The following NECAB1 variants were observed in gnomAD, a reference collection of about 807,000 sequenced individuals.
NECAB1 encodes N-terminal EF-hand calcium-binding protein 1.
A neutral mutation model predicts 57.5 loss-of-function variants in NECAB1; 29 were observed. That is an observed-to-expected ratio of 0.50 (90% CI 0.38 to 0.69). The LOEUF is 0.69. Among genes scored for constraint, NECAB1 ranks in the 30% least tolerant of loss-of-function variants. The probability of loss-of-function intolerance (pLI) is 0.00; values close to 1 mark genes in which losing one functional copy is unlikely to be tolerated. For missense variants in NECAB1, 372 were observed against 413.8 expected (o/e 0.90, Z 0.88); for synonymous variants, 142 against 147.7 (o/e 0.96, Z 0.28).
Position 90,940,845 on chromosome 8 carries a change from G to A in NECAB1, c.807G>A (p.Gln269=), listed in dbSNP as rs758347333. Residue 269 remains glutamine, a synonymous_variant, in exon 10 of 13, where the codon CAG becomes CAA. Coordinates refer to ENST00000417640, the MANE Select transcript of NECAB1 (RefSeq NM_022351.5). The stretch of plus-strand genomic sequence containing the variant: ...TAGAAGAGGACCTGGAAGAATTCCA[G>A]CTCGCTCTGAAACACTACGTGGAGA... The part of the protein sequence containing the change: ...SVIEEDLEEF[Q]LALKHYVESA... 2 of 1,564,362 alleles carry A rather than the reference G, an allele frequency of 1.3e-6. No homozygotes were observed. The highest frequency in any genetic ancestry group is 8.7e-7 in the Non-Finnish European group (1 of 1,153,978).
At chr8:90,829,678 A>G (rs1297299477) in intron 3 of NECAB1, among the ~76,000 whole-genome samples, 1 of 152,046 alleles carries the variant, frequency 6.6e-6, no homozygotes, top group East Asian at 1.9e-4. Context: ...TGGGATTTCA[A>G]CCCAGTACTT....
chr8:90,931,647 T>C (rs1390739223), intron 8 of NECAB1, among the ~76,000 whole-genome samples: 1 of 152,212 alleles, frequency 6.6e-6, no homozygotes, highest in Non-Finnish European at 1.5e-5. Context: ...CTCACGCCTG[T>C]AATCCCGGCA....
At chr8:90,835,320 GT>G (rs1201690881) in intron 3 of NECAB1, among the ~76,000 whole-genome samples, 1 of 152,062 alleles carries the variant, frequency 6.6e-6, no homozygotes, top group African/African-American at 2.4e-5. Flanking sequence ...GCATAGTAAA[GT>G]TTTCCAGGCA....
intron 1 of NECAB1, among the ~76,000 whole-genome samples, chr8:90,796,621 G>A (rs1017215446): frequency 6.6e-5 from 10 of 152,250 alleles, no homozygotes; most frequent in South Asian, 2.1e-4. Flanking sequence ...GAATTGTAGC[G>A]AAAACACAGT....
At chr8:90,847,022 C>T (rs1812578973) in intron 3 of NECAB1, among the ~76,000 whole-genome samples, 1 of 152,120 alleles carries the variant, frequency 6.6e-6, no homozygotes, top group African/African-American at 2.4e-5. Flanking sequence ...TCCAACAGTC[C>T]CCCAAAGTCT....
chr8:90,871,550 A>G (rs1010109048), intron 3 of NECAB1, among the ~76,000 whole-genome samples: 14 of 152,176 alleles, frequency 9.2e-5, no homozygotes, highest in Admixed American at 2.6e-4. Flanking sequence ...TTTAGAAATC[A>G]TATGAAATAA....
intron 10 of NECAB1, among the ~76,000 whole-genome samples, chr8:90,949,149 TG>T (rs1417442796): frequency 4.9e-4 from 6 of 12,230 alleles, no homozygotes; most frequent in African/African-American, 2.2e-3. Flanking sequence ...AGGCACTTTG[TG>T]TGTGTGTGTG....
chr8:90,834,986 CTT>C lies in NECAB1; in HGVS notation c.233+10174_233+10175del, dbSNP rs1380539475. 6.7e-4 allele frequency among the ~76,000 whole-genome samples: 81 copies of C among 121,062 alleles called. 1 individual carries two copies. The South Asian group carries it at 8.8e-3, about 13-fold the overall frequency. The allele number at this position is 121,062 out of a possible 152,430, so 79.4% of individuals were successfully genotyped here. A position where few individuals can be genotyped will look rare whatever the true frequency, so the allele number is the denominator to read the frequency against. On this transcript the variant is annotated intron_variant, in intron 3 of 12. Coordinates refer to ENST00000417640, the MANE Select transcript of NECAB1 (RefSeq NM_022351.5). ...TCTCATGAAAGCTTTCCCTGACTTT[CTT>C]TTTTTTTTTTTTAAAAAAGAGCCCG...
At position 90,957,677 on chromosome 8, in the gene NECAB1, A is replaced by G. The variant is rs927843231; in HGVS notation, c.*2165A>G. On this transcript the variant is annotated 3_prime_UTR_variant, in exon 13 of 13. Coordinates refer to ENST00000417640, the MANE Select transcript of NECAB1 (RefSeq NM_022351.5). Reference sequence around the variant, plus strand: ...AGAAAAGGAAACTAGTAGGGCCAAAAAAAAAAAGAAAAAGAAAAAGAAAAA... The same window carrying G: ...AGAAAAGGAAACTAGTAGGGCCAAAGAAAAAAAGAAAAAGAAAAAGAAAAA... The G allele has an allele frequency of 6.6e-6, 1 of 150,576 alleles. No homozygotes were observed. The highest frequency in any genetic ancestry group is 2.4e-5 in the African/African-American group (1 of 41,238). The allele number at this position is 150,576 out of a possible 1,614,324, so 9.3% of individuals were successfully genotyped here. A position where few individuals can be genotyped will look rare whatever the true frequency, so the allele number is the denominator to read the frequency against.
In NECAB1 at chr8:90,820,438, C is replaced by CATT. The variant is rs1029656093; in HGVS notation, c.125-4269_125-4267dup. Among the ~76,000 whole-genome samples, 142 of 151,868 alleles carry CATT rather than the reference C, an allele frequency of 9.4e-4. 1 individual carries two copies. Among genetic ancestry groups the CATT allele is most frequent in the Non-Finnish European group, 1.8e-4 (12 of 67,870 alleles). ...TGAGTTCATTTGGTTCTAAGGATTC[C>CATT]ATTATTATTATTGAACATGATGTTT... On this transcript the variant is annotated intron_variant, in intron 2 of 12. Transcript: ENST00000417640.
chr8:90,814,322 T>C (rs927979672), intron 2 of NECAB1, among the ~76,000 whole-genome samples: 2 of 152,186 alleles, frequency 1.3e-5, no homozygotes, highest in Admixed American at 6.5e-5. Context: ...CTGATGTTGA[T>C]ATTGATCACC....
chr8:90,898,938 G>A (rs943568099), intron 5 of NECAB1, among the ~76,000 whole-genome samples: 5 of 152,194 alleles, frequency 3.3e-5, no homozygotes, highest in Non-Finnish European at 7.3e-5. Flanking sequence ...AGAAACAGAA[G>A]CCAAGTGCAA....
At chr8:90,792,505 T>C (rs140813797) in intron 1 of NECAB1, among the ~76,000 whole-genome samples, 1 of 152,308 alleles carries the variant, frequency 6.6e-6, no homozygotes, top group East Asian at 1.9e-4. Flanking sequence ...GTGGGAAATA[T>C]CATTTTCATA....
chr8:90,933,059 T>A (rs922581634), intron 8 of NECAB1, among the ~76,000 whole-genome samples: 1 of 151,986 alleles, frequency 6.6e-6, no homozygotes, highest in African/African-American at 2.4e-5. Flanking sequence ...AAGGCCATAA[T>A]AAAAAAATTA....
chr8:90,793,535 T>C (rs1811611124), intron 1 of NECAB1, among the ~76,000 whole-genome samples: 1 of 152,174 alleles, frequency 6.6e-6, no homozygotes, highest in South Asian at 2.1e-4. Context: ...GCTGATCTTA[T>C]TCAAGTTTTG....
In NECAB1 at chr8:90,793,340, C is replaced by A. The variant is rs527803245; in HGVS notation, c.99+1355C>A. On this transcript the variant is annotated intron_variant, in intron 1 of 12. Coordinates refer to ENST00000417640, the MANE Select transcript of NECAB1 (RefSeq NM_022351.5). ...TACTGGCAGCCTTCACCCTTTATCA[C>A]CTGGTGGCTCCAATTGGTGATCCAG... Among the ~76,000 whole-genome samples, 71 of 152,170 alleles carry A rather than the reference C, an allele frequency of 4.7e-4. 2 individuals are homozygous for A. Among genetic ancestry groups the A allele is most frequent in the Non-Finnish European group, 6.0e-4 (41 of 68,034 alleles).
Position 90,958,483 on chromosome 8 carries a change from C to T in NECAB1, c.*2971C>T, listed in dbSNP as rs1174971749. 1 of 151,554 alleles carries T rather than the reference C, an allele frequency of 6.6e-6. No homozygotes were observed. Among genetic ancestry groups the T allele is most frequent in the Non-Finnish European group, 1.5e-5 (1 of 67,696 alleles). 9.4% of individuals were successfully genotyped at this position (151,554 alleles called of 1,614,324 possible). ...AAAGAAATACCCATTAAAAATTCTG[C>T]CTCCTGTTTATTGAGAACTATGCAT... On this transcript the variant is annotated 3_prime_UTR_variant, in exon 13 of 13. Transcript: ENST00000417640.
intron 2 of NECAB1, among the ~76,000 whole-genome samples, chr8:90,806,020 A>G (rs1811840842): frequency 6.6e-6 from 1 of 152,194 alleles, no homozygotes; most frequent in Non-Finnish European, 1.5e-5. Flanking sequence ...CATGTAAGTG[A>G]GATTGCACAG....
intron 3 of NECAB1, among the ~76,000 whole-genome samples, chr8:90,850,266 T>G (rs563571349): frequency 6.6e-6 from 1 of 152,344 alleles, no homozygotes; most frequent in South Asian, 2.1e-4. Flanking sequence ...TTAACACGAC[T>G]GATGAAGTTG....
Sources: allele counts gnomAD v4.1 joint callset (sites outside exome capture counted in the v4.1 genomes callset), GRCh38; gene constraint gnomAD v4.1.1; transcripts MANE v1.5; gene names NCBI Gene and HGNC (gene_info 2026-07-23, HGNC 2026-07-21).